XPO6: variants seen among roughly 807,000 people sequenced by gnomAD.
XPO6 encodes exportin 6.
Under a neutral mutation model 130.0 loss-of-function variants are expected in XPO6, and 3 were observed. The ratio of observed to expected loss-of-function variants is 0.02; its 90% CI spans 0.01 to 0.06. The LOEUF is 0.06. Ranked by LOEUF, XPO6 falls within the 10% of genes least tolerant of loss-of-function variation. The pLI is 1.00. For synonymous variants in XPO6, 524 were observed against 548.9 expected, an observed-to-expected ratio of 0.95 and a Z score of 0.63; for missense variants, 970 against 1,393.0, an observed-to-expected ratio of 0.70 and a Z score of 4.83.
Position 28,136,154 on chromosome 16 carries a change from G to T in XPO6, c.1335-830C>A, listed in dbSNP as rs141958265. ...GGCCACAAAGCTATTTCGAACCTAG[G>T]GCCCCCTAATTCAAAATCATGTTCT... On this transcript the variant is annotated intron_variant, in intron 9 of 23. Coordinates refer to ENST00000304658, the MANE Select transcript of XPO6 (RefSeq NM_015171.4). Among the ~76,000 whole-genome samples, 12 of 152,172 alleles carry T rather than the reference G, an allele frequency of 7.9e-5. No individual in the cohort carries two copies. The East Asian group carries it at 2.1e-3, about 27-fold the overall frequency.
chr16:28,194,729 A>T (rs894003278), intron 1 of XPO6, among the ~76,000 whole-genome samples: 3 of 152,082 alleles, frequency 2.0e-5, no homozygotes, highest in Admixed American at 2.0e-4. Context: ...GACTGGTCGT[A>T]CATTCTCTCT....
Position 28,112,896 on chromosome 16 carries a change from G to A in XPO6, c.2151+8C>T. The A allele has an allele frequency of 1.2e-6, 2 of 1,611,914 alleles. No individual in the cohort carries two copies. The highest frequency in any genetic ancestry group is 8.5e-7 in the Non-Finnish European group (1 of 1,178,612). ...CCTGGGGACCCCGGGGGAGCTCTGG[G>A]GCCTCACCTTATCGACAAGTCGCAG... On this transcript the variant is annotated splice_region_variant and intron_variant, in intron 16 of 23. Transcript: ENST00000304658.
intron 7 of XPO6, 191 bp downstream of exon 7, chr16:28,155,883 A>G (rs1222349418): frequency 4.4e-6 from 6 of 1,357,742 alleles, no homozygotes; most frequent in Non-Finnish European, 5.7e-6. Context: ...TTTCAAACTC[A>G]GTCACTTCCC....
intron 1 of XPO6, among the ~76,000 whole-genome samples, chr16:28,209,850 T>C (rs1479031663): frequency 6.6e-6 from 1 of 151,804 alleles, no homozygotes; most frequent in Non-Finnish European, 1.5e-5. Context: ...TTAAAATACA[T>C]AGACTCAGCT....
intron 11 of XPO6, among the ~76,000 whole-genome samples, chr16:28,133,415 C>T (rs1056359030): frequency 9.9e-5 from 15 of 152,102 alleles, no homozygotes; most frequent in African/African-American, 2.4e-4. Context: ...TTGAATAACA[C>T]GCACCACACA....
chr16:28,117,094 G>A (rs1242673154), intron 15 of XPO6: 7 of 517,892 alleles, frequency 1.4e-5, no homozygotes, highest in African/African-American at 5.7e-5. Flanking sequence ...TTTTCACAGT[G>A]AGCATGTATT....
chr16:28,123,698 C>G (rs1384194972), intron 13 of XPO6, among the ~76,000 whole-genome samples: 1 of 152,206 alleles, frequency 6.6e-6, no homozygotes, highest in East Asian at 1.9e-4. Context: ...GTGATCAGAA[C>G]AGTTATTATC....
intron 17 of XPO6, among the ~76,000 whole-genome samples, chr16:28,110,384 C>G (rs1034868619): frequency 6.6e-6 from 1 of 152,224 alleles, no homozygotes; most frequent in East Asian, 1.9e-4. Context: ...AGAACCACTA[C>G]GCAATTCACC....
chr16:28,127,800 G>A (rs2042590742), intron 12 of XPO6, among the ~76,000 whole-genome samples: 1 of 152,226 alleles, frequency 6.6e-6, no homozygotes, highest in Non-Finnish European at 1.5e-5. Context: ...GAAAGAAGAG[G>A]TAACTCATGG....
In XPO6 at chr16:28,133,926, G is replaced by A; in HGVS notation, c.1451C>T (p.Thr484Met). 6.2e-7 allele frequency: 1 copy of A among 1,613,952 alleles called. No individual in the cohort carries two copies. Among genetic ancestry groups the A allele is most frequent in the Non-Finnish European group, 8.5e-7 (1 of 1,179,956 alleles). The change falls in exon 11 of 24, where the codon ACG (threonine) becomes ATG (methionine). Residue 484 changes from threonine (T) to methionine (M), a missense_variant. By Grantham distance (81) the Thr-to-Met change is moderately conservative. Transcript: ENST00000304658. ...CTGCCGTAAGTACCGCTGCCACTCCGTCTGCTGCTGTAGGGGAAGCACAGG... is the reference window on the plus strand; with the variant it reads ...CTGCCGTAAGTACCGCTGCCACTCCATCTGCTGCTGTAGGGGAAGCACAGG... Reference protein sequence around the residue: ...DDETLDDDQQTEWQRYLRQSL... With the variant: ...DDETLDDDQQMEWQRYLRQSL...
chr16:28,124,367 G>C (rs2087337166), intron 13 of XPO6, among the ~76,000 whole-genome samples: 1 of 152,166 alleles, frequency 6.6e-6, no homozygotes, highest in Non-Finnish European at 1.5e-5. Context: ...CAACTGAACA[G>C]ATAAGATATA....
At position 28,098,349 on chromosome 16, in the gene XPO6, G is replaced by C; in HGVS notation, c.*189C>G. The stretch of plus-strand genomic sequence containing the variant: ...CCCTGGGAGCACCGTCCAGTGCTCA[G>C]GTGGACCCAGAAGCCAGCTCTGCTG... On this transcript the variant is annotated 3_prime_UTR_variant, in exon 24 of 24. Transcript: ENST00000304658. The C allele has an allele frequency of 1.8e-6, 1 of 568,090 alleles. No individual in the cohort carries two copies. 35.2% of individuals were successfully genotyped at this position (568,090 alleles called of 1,614,324 possible). A position where few individuals can be genotyped will look rare whatever the true frequency, so the allele number is the denominator to read the frequency against.
chr16:28,119,248 G>A (rs886153991), intron 14 of XPO6, among the ~76,000 whole-genome samples: 1 of 151,312 alleles, frequency 6.6e-6, no homozygotes, highest in East Asian at 1.9e-4. Flanking sequence ...CAAACTCCTG[G>A]GCTCAAGCGA....
intron 8 of XPO6, among the ~76,000 whole-genome samples, chr16:28,148,464 A>G (rs917702497): frequency 6.6e-6 from 1 of 152,198 alleles, no homozygotes; most frequent in Non-Finnish European, 1.5e-5. Flanking sequence ...AAACCTTCAC[A>G]GACCCATTTT....
chr16:28,140,456 G>A (rs901222070), intron 9 of XPO6, among the ~76,000 whole-genome samples: 3 of 152,206 alleles, frequency 2.0e-5, no homozygotes, highest in Admixed American at 1.3e-4. Flanking sequence ...AAGGCGGGCG[G>A]ATCACAAGGT....
At position 28,117,471 on chromosome 16, in the gene XPO6, A is replaced by G; in HGVS notation, c.1860-9T>C. On this transcript the variant is annotated splice_polypyrimidine_tract_variant and intron_variant, in intron 14 of 23. Coordinates refer to ENST00000304658, the MANE Select transcript of XPO6 (RefSeq NM_015171.4). The stretch of plus-strand genomic sequence containing the variant: ...CCAGGGACTGAGCATGCCTGCAGAA[A>G]GAAAAGAAGATGTGATTTTAAAGGT... 1 of 1,609,732 alleles carries G rather than the reference A, an allele frequency of 6.2e-7. No homozygotes were observed. Among genetic ancestry groups the G allele is most frequent in the Non-Finnish European group, 8.5e-7 (1 of 1,176,290 alleles).
At position 28,211,690 on chromosome 16, in the gene XPO6, G is replaced by A. The variant is rs1165012048; in HGVS notation, c.-322C>T. The A allele has an allele frequency of 2.5e-6, 1 of 392,644 alleles. No individual in the cohort carries two copies. Among genetic ancestry groups the A allele is most frequent in the Non-Finnish European group, 4.5e-6 (1 of 222,696 alleles). 24.3% of individuals were successfully genotyped at this position (392,644 alleles called of 1,614,324 possible). ...GCCCGGGCCCGACCCCCGCGGGGGA[G>A]GCTGCGGGCCCAGGCAGGGGCTCCC... On this transcript the variant is annotated 5_prime_UTR_variant, in exon 1 of 24. Transcript: ENST00000304658.
chr16:28,139,074 G>A (rs2042836479), intron 9 of XPO6, among the ~76,000 whole-genome samples: 1 of 152,120 alleles, frequency 6.6e-6, no homozygotes, highest in Non-Finnish European at 1.5e-5. Context: ...TTCATATATT[G>A]AAGCCTAACC....
chr16:28,174,613 A>G (rs973426409), intron 4 of XPO6, among the ~76,000 whole-genome samples: 5 of 152,234 alleles, frequency 3.3e-5, no homozygotes, highest in Admixed American at 2.6e-4. Context: ...AGCACTGTAC[A>G]AAACAAAACT....
Sources: gnomAD v4.1 joint callset for allele counts (sites outside exome capture counted in the v4.1 genomes callset) on GRCh38, gnomAD v4.1.1 for gene constraint, MANE v1.5 for transcripts, NCBI Gene and HGNC (gene_info 2026-07-23, HGNC 2026-07-21) for gene names.